The following FMR1NB variants were observed in gnomAD, a reference collection of about 807,000 sequenced individuals.
FMR1NB encodes the protein FMR1 neighbor.
FMR1NB carries 10 observed loss-of-function variants against 16.8 expected under a neutral mutation model. The observed-to-expected ratio is 0.60, with a 90% CI of 0.37 to 1.01. FMR1NB has a LOEUF of 1.01. Ranked by LOEUF, FMR1NB falls within the 50% of genes least tolerant of loss-of-function variation. The pLI, the probability that FMR1NB is intolerant of heterozygous loss-of-function variation, is 0.01. For missense variants in FMR1NB, 205 were observed against 204.8 expected, an observed-to-expected ratio of 1.00 and a Z score of 0.00; for synonymous variants, 83 against 79.1, an observed-to-expected ratio of 1.05 and a Z score of -0.26.
intron 4 of FMR1NB, among the ~76,000 whole-genome samples, chrX:148,020,420 G>A (rs782554428): frequency 4.5e-5 from 5 of 111,975 alleles, no homozygotes; most frequent in Non-Finnish European, 9.4e-5. Flanking sequence ...TTTAAGGTTC[G>A]AGACAAAATT....
rs1472046639 is a variant in FMR1NB, at chrX:147,992,902, G to A, written c.278-10299G>A. 9.6e-5 allele frequency among the ~76,000 whole-genome samples: 9 copies of A among 93,995 alleles called. 1 individual carries two copies. The highest frequency in any genetic ancestry group is 1.1e-3 in the South Asian group (2 of 1,890). The allele number at this position is 93,995 out of a possible 115,157, so 81.6% of individuals were successfully genotyped here. ...CTCCTCACTTCCTAGATGGGATGGC[G>A]GCCGGGCGGAGATGCTCCTCACTTT... On this transcript the variant is annotated intron_variant, in intron 1 of 5. Transcript: ENST00000370467.
intron 5 of FMR1NB, among the ~76,000 whole-genome samples, chrX:148,025,579 T>A (rs2044699902): frequency 9.0e-6 from 1 of 111,403 alleles, no homozygotes; most frequent in African/African-American, 3.3e-5. Context: ...TTGGGTCTCC[T>A]CCTCCCAAAA....
chrX:148,021,282 C>T lies in FMR1NB; in HGVS notation c.633-3583C>T, dbSNP rs932011628. 9.9e-5 allele frequency among the ~76,000 whole-genome samples: 11 copies of T among 111,180 alleles called. No homozygotes were observed. In the East Asian group the frequency reaches 1.7e-3, roughly 17 times the overall value. On this transcript the variant is annotated intron_variant, in intron 4 of 5. Transcript: ENST00000370467. ...CCACTGCTGGGGGATAGGGGAGAGG[C>T]GGCATTGGCAATTCAAGACTGTCTT...
At chrX:148,003,958 A>G (rs982599874) in intron 2 of FMR1NB, among the ~76,000 whole-genome samples, 8 of 112,232 alleles carry the variant, frequency 7.1e-5, no homozygotes, top group Non-Finnish European at 1.1e-4. Flanking sequence ...CTTATGAAAA[A>G]TCATGCAGAA....
chrX:147,983,506 A>G (rs1447672729), intron 1 of FMR1NB, among the ~76,000 whole-genome samples: 3 of 112,116 alleles, frequency 2.7e-5, no homozygotes, highest in Non-Finnish European at 5.6e-5. Flanking sequence ...AGCATGTTTT[A>G]TATGCTTGTT....
rs1393250035 is a variant in FMR1NB, at chrX:148,006,877, T to A, written c.538+35T>A. 4 of 1,151,969 alleles carry A rather than the reference T, an allele frequency of 3.5e-6. No individual in the cohort carries two copies. In the African/African-American group the frequency reaches 7.3e-5, roughly 21 times the overall value. 94.9% of individuals were successfully genotyped at this position (1,151,969 alleles called of 1,213,427 possible). A position where few individuals can be genotyped will look rare whatever the true frequency, so the allele number is the denominator to read the frequency against. On this transcript the variant is annotated intron_variant, in intron 3 of 5. Coordinates refer to ENST00000370467, the MANE Select transcript of FMR1NB (RefSeq NM_152578.3). ...TCCTCTTTCATTTATTTCTATTTTT[T>A]AATATTAAATAAACAGATCGCAGTG...
chrX:148,021,964 C>T (rs1032574131), intron 4 of FMR1NB, among the ~76,000 whole-genome samples: 7 of 108,716 alleles, frequency 6.4e-5, no homozygotes. Context: ...GTTTCCAGTC[C>T]CCTTGTTTCA....
At chrX:147,996,912 T>G (rs782054586) in intron 1 of FMR1NB, among the ~76,000 whole-genome samples, 31 of 112,647 alleles carry the variant, frequency 2.8e-4, no homozygotes, top group African/African-American at 8.4e-4. Flanking sequence ...GGCTGACTCC[T>G]AATCTTTTAT....
chrX:148,011,758 T>C (rs1486646748), intron 4 of FMR1NB, among the ~76,000 whole-genome samples: 1 of 110,926 alleles, frequency 9.0e-6, no homozygotes, highest in African/African-American at 3.3e-5. Context: ...GTCTTCTCAC[T>C]ATAGACACCT....
chrX:148,022,343 C>A (rs782179822), intron 4 of FMR1NB, among the ~76,000 whole-genome samples: 14 of 111,722 alleles, frequency 1.3e-4, no homozygotes, highest in African/African-American at 4.6e-4. Context: ...CTTCTACCAA[C>A]CTCTGATTAC....
intron 1 of FMR1NB, among the ~76,000 whole-genome samples, chrX:148,001,872 G>T (rs2044572391): frequency 9.0e-6 from 1 of 111,682 alleles, no homozygotes; most frequent in Non-Finnish European, 1.9e-5. Flanking sequence ...GATATAGTAA[G>T]GATTTAGAAT....
intron 1 of FMR1NB, among the ~76,000 whole-genome samples, chrX:147,993,065 C>T (rs1321538261): frequency 2.8e-5 from 3 of 106,348 alleles, no homozygotes; most frequent in South Asian, 4.2e-4. Flanking sequence ...CCAAGGCAGG[C>T]GGCTGGGAGG....
chrX:148,014,730 G>A (rs782306997), intron 4 of FMR1NB, among the ~76,000 whole-genome samples: 3 of 111,174 alleles, frequency 2.7e-5, no homozygotes, highest in African/African-American at 3.3e-5. Flanking sequence ...CTGCAGCCTC[G>A]ACTTCCCGGG....
chrX:148,004,901 GT>G (rs1557188936), intron 2 of FMR1NB, among the ~76,000 whole-genome samples: 2 of 112,050 alleles, frequency 1.8e-5, no homozygotes, highest in Non-Finnish European at 3.8e-5. Flanking sequence ...ATTTGTTTTT[GT>G]TTTTTTGAGA....
intron 1 of FMR1NB, among the ~76,000 whole-genome samples, chrX:147,987,094 G>A (rs2044480841): frequency 9.0e-6 from 1 of 111,091 alleles, no homozygotes; most frequent in African/African-American, 3.3e-5. Flanking sequence ...TTGTGAATGG[G>A]AGTTCACTCA....
At chrX:148,022,700 G>A (rs185440321) in intron 4 of FMR1NB, among the ~76,000 whole-genome samples, 1 of 111,409 alleles carries the variant, frequency 9.0e-6, no homozygotes, top group East Asian at 2.8e-4. Context: ...AGTAGTAAAT[G>A]TTAGTCATAT....
At chrX:147,991,899 G>A (rs1181612136) in intron 1 of FMR1NB, among the ~76,000 whole-genome samples, 1 of 108,047 alleles carries the variant, frequency 9.3e-6, no homozygotes, top group East Asian at 2.9e-4. Flanking sequence ...GTTTAACAAA[G>A]CACATCTTGC....
chrX:147,999,887 T>C (rs1282735214), intron 1 of FMR1NB, among the ~76,000 whole-genome samples: 1 of 112,073 alleles, frequency 8.9e-6, no homozygotes, highest in Non-Finnish European at 1.9e-5. Context: ...ATATGCACTA[T>C]TGGAATATAT....
chrX:147,986,919 C>G (rs1475787742), intron 1 of FMR1NB, among the ~76,000 whole-genome samples: 1 of 111,795 alleles, frequency 8.9e-6, no homozygotes, highest in Non-Finnish European at 1.9e-5. Flanking sequence ...GCAGTATGGC[C>G]ATTTTCACGA....
Sources: allele counts gnomAD v4.1 joint callset (sites outside exome capture counted in the v4.1 genomes callset), GRCh38; gene constraint gnomAD v4.1.1; transcripts MANE v1.5; gene names NCBI Gene and HGNC (gene_info 2026-07-23, HGNC 2026-07-21).